CSNK1A1: variants seen among roughly 807,000 people sequenced by gnomAD.
CSNK1A1 encodes casein kinase 1 alpha 1.
A neutral mutation model predicts 46.1 loss-of-function variants in CSNK1A1; 7 were observed. The observed-to-expected ratio is 0.15, with a 90% confidence interval of 0.09 to 0.29. The LOEUF is 0.29. Ranked by LOEUF, CSNK1A1 falls within the 10% of genes least tolerant of loss-of-function variation. CSNK1A1 has a pLI of 1.00. For synonymous variants in CSNK1A1, 137 were observed against 141.5 expected, an observed-to-expected ratio of 0.97 and a Z score of 0.23; for missense variants, 96 against 417.1, an observed-to-expected ratio of 0.23 and a Z score of 6.71.
chr5:149,524,902 T>C, intron 3 of CSNK1A1, 143 bp downstream of exon 3: 1 of 711,152 alleles, frequency 1.4e-6, no homozygotes, highest in South Asian at 3.2e-5. Context: ...GGAAAATATC[T>C]ACAAGTCACA....
chr5:149,532,028 G>A (rs1761916829), intron 2 of CSNK1A1, among the ~76,000 whole-genome samples: 1 of 151,920 alleles, frequency 6.6e-6, no homozygotes, highest in Non-Finnish European at 1.5e-5. Flanking sequence ...ACAGGCATAT[G>A]CGACCACTCC....
chr5:149,508,976 G>A (rs773073035), intron 7 of CSNK1A1, among the ~76,000 whole-genome samples: 10 of 152,040 alleles, frequency 6.6e-5, no homozygotes, highest in Admixed American at 2.0e-4. Context: ...CACCCAAGCT[G>A]GACTGCAGTG....
At chr5:149,504,312 T>G in intron 9 of CSNK1A1, 1 of 984,720 alleles carries the variant, frequency 1.0e-6, no homozygotes, top group South Asian at 4.7e-5. Flanking sequence ...CATCAGTTAA[T>G]AATATTTCTT....
intron 8 of CSNK1A1, among the ~76,000 whole-genome samples, chr5:149,506,442 G>C (rs574884536): frequency 6.6e-6 from 1 of 152,056 alleles, no homozygotes; most frequent in South Asian, 2.1e-4. Context: ...TCACCATGTC[G>C]GGCAGGCTGG....
intron 9 of CSNK1A1, chr5:149,499,221 C>A (rs1760746635): frequency 1.0e-6 from 1 of 982,784 alleles, no homozygotes; most frequent in Non-Finnish European, 1.2e-6. Context: ...GGTGGCTCAT[C>A]CAGGCTTCCA....
At chr5:149,549,336 A>C in intron 2 of CSNK1A1, 1 of 620,752 alleles carries the variant, frequency 1.6e-6, no homozygotes, top group Non-Finnish European at 3.0e-6. Flanking sequence ...AAGAAAGAGT[A>C]ATTAACACTT....
In CSNK1A1 at chr5:149,547,076, A is replaced by G. The variant is rs1399356151; in HGVS notation, c.230+2999T>C. On this transcript the variant is annotated intron_variant, in intron 2 of 9. Transcript: ENST00000377843. ...ACCCTTTCCACACTCTCATCCAATTACTGTGTTCTCCTTTAGAGACTACAC... is the reference window on the plus strand; with the variant it reads ...ACCCTTTCCACACTCTCATCCAATTGCTGTGTTCTCCTTTAGAGACTACAC... 5.3e-5 allele frequency among the ~76,000 whole-genome samples: 8 copies of G among 152,046 alleles called. No homozygotes were observed. In the East Asian group the frequency reaches 1.3e-3, roughly 26 times the overall value.
intron 3 of CSNK1A1, among the ~76,000 whole-genome samples, chr5:149,523,632 T>C (rs1350816080): frequency 6.6e-6 from 1 of 152,214 alleles, no homozygotes; most frequent in African/African-American, 2.4e-5. Context: ...CAGGTGCTGA[T>C]TACAGAAAAT....
chr5:149,498,910 T>G, intron 9 of CSNK1A1: 1 of 985,436 alleles, frequency 1.0e-6, no homozygotes, highest in African/African-American at 1.7e-5. Context: ...TGACCTGTTA[T>G]CTGAGGAATT....
chr5:149,531,738 G>T (rs1291780734), intron 2 of CSNK1A1, among the ~76,000 whole-genome samples: 1 of 150,786 alleles, frequency 6.6e-6, no homozygotes, highest in Admixed American at 6.6e-5. Flanking sequence ...GCACATGGTG[G>T]TGGGGACCTG....
intron 3 of CSNK1A1, among the ~76,000 whole-genome samples, chr5:149,522,562 C>T (rs1225286646): frequency 6.6e-6 from 1 of 152,150 alleles, no homozygotes; most frequent in African/African-American, 2.4e-5. Context: ...CCCATTTTCC[C>T]CAGAGCTTTT....
intron 2 of CSNK1A1, among the ~76,000 whole-genome samples, chr5:149,527,025 T>C (rs1014308719): frequency 6.6e-6 from 1 of 152,176 alleles, no homozygotes; most frequent in African/African-American, 2.4e-5. Context: ...CACATCCTCT[T>C]TGCAGAAAAA....
chr5:149,539,012 CA>C (rs1384238621), intron 2 of CSNK1A1, among the ~76,000 whole-genome samples: 1 of 151,370 alleles, frequency 6.6e-6, no homozygotes, highest in Non-Finnish European at 1.5e-5. Context: ...CAATAAGAAA[CA>C]CAAGATACCT....
intron 9 of CSNK1A1, chr5:149,497,739 G>C: frequency 1.0e-6 from 1 of 985,386 alleles, no homozygotes; most frequent in Non-Finnish European, 1.2e-6. Flanking sequence ...AAATGAGCTA[G>C]AAACTATAGC....
At chr5:149,516,886 T>A (rs1761421940) in intron 4 of CSNK1A1, among the ~76,000 whole-genome samples, 1 of 152,240 alleles carries the variant, frequency 6.6e-6, no homozygotes, top group African/African-American at 2.4e-5. Context: ...TACATGTGGA[T>A]AATTTAAGGT....
chr5:149,516,907 ATGTTTTT>A (rs1327663388), intron 4 of CSNK1A1, among the ~76,000 whole-genome samples: 1 of 152,172 alleles, frequency 6.6e-6, no homozygotes, highest in Non-Finnish European at 1.5e-5. Context: ...ATTACAAAGC[ATGTTTTT>A]TGTTTTTTGA....
At chr5:149,501,597 T>C (rs1284781542) in intron 9 of CSNK1A1, 3 of 985,140 alleles carry the variant, frequency 3.0e-6, no homozygotes, top group East Asian at 1.1e-4. Flanking sequence ...CTGTCTATAT[T>C]ATTATGATAA....
chr5:149,548,757 G>A (rs926300420), intron 2 of CSNK1A1, among the ~76,000 whole-genome samples: 1 of 152,132 alleles, frequency 6.6e-6, no homozygotes, highest in African/African-American at 2.4e-5. Flanking sequence ...GCTGAGGCAC[G>A]AGAATCACTT....
rs1761690427 is a variant in CSNK1A1 at position 149,525,241 on chromosome 5, AAT to A, written c.231-72_231-71del. 7.2e-7 allele frequency: 1 copy of A among 1,386,948 alleles called. No individual in the cohort carries two copies. The highest frequency in any genetic ancestry group is 2.8e-5 in the Admixed American group (1 of 35,332). 85.9% of individuals were successfully genotyped at this position (1,386,948 alleles called of 1,614,324 possible). Reference sequence around the variant, plus strand: ...ACTTAATATCATCAACCCTAAGAATAATATAGTTTTCTTTCACTGACTAGGTA... The same window carrying A: ...ACTTAATATCATCAACCCTAAGAATAATAGTTTTCTTTCACTGACTAGGTA... On this transcript the variant is annotated intron_variant, in intron 2 of 9. Transcript: ENST00000377843. This position sits in a 1 kb window ranked among gnomAD's most constrained non-coding sequence, Gnocchi z 4.2.
Sources: gnomAD v4.1 joint callset for allele counts (sites outside exome capture counted in the v4.1 genomes callset) on GRCh38, gnomAD v4.1.1 for gene constraint, Gnocchi (gnomAD v3.1) non-coding constraint, MANE v1.5 for transcripts, NCBI Gene and HGNC (gene_info 2026-07-23, HGNC 2026-07-21) for gene names.